KIR3DL3: variants seen among roughly 807,000 people sequenced by gnomAD.
KIR3DL3 encodes killer cell immunoglobulin-like receptor 3DL3.
A neutral mutation model predicts 34.9 loss-of-function variants in KIR3DL3; 27 were observed. The ratio of observed to expected loss-of-function variants is 0.77; its 90% CI spans 0.57 to 1.07. The LOEUF (loss-of-function observed/expected upper bound fraction) is 1.07, where lower values mean the gene tolerates loss of function less well. Among genes scored for constraint, KIR3DL3 ranks in the 50% least tolerant of loss-of-function variants. The pLI is 0.00. For missense variants in KIR3DL3, 681 were observed against 528.5 expected, an observed-to-expected ratio of 1.29 and a Z score of -2.83; for synonymous variants, 217 against 200.2, an observed-to-expected ratio of 1.08 and a Z score of -0.71.
intron 5 of KIR3DL3, among the ~76,000 whole-genome samples, chr19:54,734,484 A>G (rs2069211091): frequency 1.3e-5 from 2 of 151,586 alleles, no homozygotes; most frequent in African/African-American, 4.9e-5. Flanking sequence ...GGGGAAATCA[A>G]AAAGCAGCCC....
Position 54,735,868 on chromosome 19 carries a change from G to A in KIR3DL3, c.1103G>A (p.Arg368Lys), listed in dbSNP as rs756478047. 6 of 1,607,084 alleles carry A rather than the reference G, an allele frequency of 3.7e-6. No individual in the cohort carries two copies. Among genetic ancestry groups the A allele is most frequent in the Non-Finnish European group, 4.2e-6 (5 of 1,178,014 alleles). ...CCTGCAGGGAACAGAACAGTGAACA[G>A]GGAGGTAGGTGCTCCTCCGCCCAGC... The part of the protein sequence containing the change: ...QEPAGNRTVN[R>K]EDSDEQDPQE... Residue 368 changes from arginine (R) to lysine (K), a missense_variant, in exon 7 of 8, where the codon AGG becomes AAG. Arg to Lys is a conservative substitution (Grantham distance 26, BLOSUM62 2). Coordinates refer to ENST00000291860, the MANE Select transcript of KIR3DL3 (RefSeq NM_153443.5).
chr19:54,734,657 A>C (rs897892937), intron 5 of KIR3DL3, among the ~76,000 whole-genome samples: 1 of 147,430 alleles, frequency 6.8e-6, no homozygotes, highest in Non-Finnish European at 1.5e-5. Flanking sequence ...CTAAAGGAAC[A>C]CTTGAGCCTG....
intron 5 of KIR3DL3, among the ~76,000 whole-genome samples, chr19:54,733,579 G>A (rs996569308): frequency 9.2e-5 from 14 of 151,996 alleles, no homozygotes; most frequent in Non-Finnish European, 1.8e-4. Flanking sequence ...AAAGGCAACT[G>A]GATACCAACC....
At position 54,726,206 on chromosome 19, in the gene KIR3DL3, T is replaced by C. The variant is rs2068153900; in HGVS notation, c.224T>C (p.Ile75Thr). 2.5e-6 allele frequency: 4 copies of C among 1,613,654 alleles called. No homozygotes were observed. The highest frequency in any genetic ancestry group is 2.2e-5 in the East Asian group (1 of 44,854). The change falls in exon 3 of 8, where the codon ATA becomes ACA. Residue 75 changes from isoleucine to threonine, a missense_variant. Physicochemically the swap from Ile to Thr is moderately conservative, Grantham distance 89. Coordinates refer to ENST00000291860, the MANE Select transcript of KIR3DL3 (RefSeq NM_153443.5). The stretch of plus-strand genomic sequence containing the variant: ...CCTGTCCCTGAGCTCTACAACAGAA[T>C]ATTCCGGAACAGCTTTCTCATGGGC... ...GMPVPELYNR[I>T]FRNSFLMGPV...
intron 7 of KIR3DL3, 27 bp downstream of exon 7, chr19:54,735,899 G>A (rs2069516199): frequency 1.2e-6 from 2 of 1,605,778 alleles, no homozygotes; most frequent in African/African-American, 1.4e-5. Context: ...CCAGCCTCGT[G>A]GCTAGTCTTA....
intron 5 of KIR3DL3, among the ~76,000 whole-genome samples, 164 bp from the exon 6 acceptor site, chr19:54,735,089 G>A (rs2069327737): frequency 6.8e-6 from 1 of 147,176 alleles, no homozygotes; most frequent in South Asian, 2.2e-4. Context: ...ACGTTCTATG[G>A]TTACTACAAC....
chr19:54,730,117 T>C (rs2068644966), intron 5 of KIR3DL3, among the ~76,000 whole-genome samples: 1 of 152,212 alleles, frequency 6.6e-6, no homozygotes, highest in African/African-American at 2.4e-5. Flanking sequence ...AAGCCCATCC[T>C]GGCCTGTCAC....
chr19:54,732,979 G>A (rs1419289789), intron 5 of KIR3DL3, among the ~76,000 whole-genome samples: 1 of 152,192 alleles, frequency 6.6e-6, no homozygotes, highest in African/African-American at 2.4e-5. Flanking sequence ...CTAGGAGACC[G>A]TGGAAAAGGC....
intron 3 of KIR3DL3, among the ~76,000 whole-genome samples, chr19:54,727,349 T>G (rs1600174008): frequency 1.6e-5 from 2 of 127,890 alleles, no homozygotes; most frequent in Non-Finnish European, 3.3e-5. Flanking sequence ...AAGAGATTAG[T>G]GGGAAACAGA....
chr19:54,730,591 T>C (rs1483812654), intron 5 of KIR3DL3, among the ~76,000 whole-genome samples: 2 of 151,768 alleles, frequency 1.3e-5, no homozygotes, highest in African/African-American at 4.8e-5. Flanking sequence ...ATTAATTAAT[T>C]AATTAGTATT....
In KIR3DL3 at chr19:54,732,414, C is replaced by A. The variant is rs2068914157; in HGVS notation, c.949+2628C>A. On this transcript the variant is annotated intron_variant, in intron 5 of 7. Transcript: ENST00000291860. Reference sequence around the variant, plus strand: ...TACAGCTGTGCGCCACCACACTCGGCTAATTTTTTTGGTATATTTTTTTAG... The same window carrying A: ...TACAGCTGTGCGCCACCACACTCGGATAATTTTTTTGGTATATTTTTTTAG... 3.4e-5 allele frequency among the ~76,000 whole-genome samples: 3 copies of A among 87,106 alleles called. No homozygotes were observed. In the South Asian group the frequency reaches 1.2e-3, roughly 35 times the overall value. 57.1% of individuals were successfully genotyped at this position (87,106 alleles called of 152,430 possible). A position where few individuals can be genotyped will look rare whatever the true frequency, so the allele number is the denominator to read the frequency against.
Position 54,736,089 on chromosome 19 carries a change from G to T in KIR3DL3, c.1226G>T (p.Ser409Ile). 3.7e-6 allele frequency: 6 copies of T among 1,613,146 alleles called. No individual in the cohort carries two copies. In the South Asian group the frequency reaches 6.6e-5, roughly 18 times the overall value. ...QRPKTPPTDT[S>I]V ...CCCAAGACACCCCCAACAGATACCA[G>T]CGTGTAACACGGAACTTCCAAATGC... The change falls in exon 8 of 8, where the codon AGC becomes ATC. Residue 409 changes from serine (S) to isoleucine (I), a missense_variant. By Grantham distance (142) the Ser-to-Ile change is moderately radical. Transcript: ENST00000291860.
At chr19:54,724,587 A>G (rs1017667068) in intron 1 of KIR3DL3, 57 bp downstream of exon 1, 1 of 829,486 alleles carries the variant, frequency 1.2e-6, no homozygotes, top group East Asian at 3.5e-5. Context: ...CTGGGCCTGG[A>G]GTGGAGATCT....
In KIR3DL3 at chr19:54,725,269, C is replaced by G; in HGVS notation, c.57C>G (p.Pro19=). 1 of 1,593,120 alleles carries G rather than the reference C, an allele frequency of 6.3e-7. No homozygotes were observed. Among genetic ancestry groups the G allele is most frequent in the Non-Finnish European group, 8.6e-7 (1 of 1,168,464 alleles). Residue 19 remains proline (P), a synonymous_variant, in exon 2 of 8, where the codon CCC becomes CCG. Coordinates refer to ENST00000291860, the MANE Select transcript of KIR3DL3 (RefSeq NM_153443.5). ...CAGGGTTCTTCTTGCTGGAGGGGCCCTGGCCACATGTGGGTGAGTCCTTCC... is the reference window on the plus strand; with the variant it reads ...CAGGGTTCTTCTTGCTGGAGGGGCCGTGGCCACATGTGGGTGAGTCCTTCC... The part of the protein sequence containing the change: ...ACVGFFLLEG[P]WPHVGGQDKP...
intron 5 of KIR3DL3, among the ~76,000 whole-genome samples, chr19:54,732,253 G>T (rs373021156): frequency 1.1e-4 from 10 of 90,938 alleles, no homozygotes; most frequent in African/African-American, 3.3e-4. Context: ...TGTGTTTTTT[G>T]TTTTCTTTTT....
intron 6 of KIR3DL3, 40 bp from the exon 7 acceptor site, chr19:54,735,780 G>C (rs1249233130): frequency 3.1e-6 from 5 of 1,606,038 alleles, no homozygotes; most frequent in Non-Finnish European, 4.2e-6. Flanking sequence ...GGACCCAGAA[G>C]TGCCCTCCGA....
chr19:54,728,238 T>C (rs2068419823), intron 4 of KIR3DL3, among the ~76,000 whole-genome samples: 1 of 149,504 alleles, frequency 6.7e-6, no homozygotes, highest in Admixed American at 6.7e-5. Context: ...GGTTAGAAGG[T>C]TCCATTCTGT....
At chr19:54,732,140 T>C (rs1432699066) in intron 5 of KIR3DL3, among the ~76,000 whole-genome samples, 1 of 152,110 alleles carries the variant, frequency 6.6e-6, no homozygotes, top group Admixed American at 6.5e-5. Context: ...ATATTGCAGA[T>C]GGGTAAATGC....
At chr19:54,731,189 A>G (rs2068753778) in intron 5 of KIR3DL3, among the ~76,000 whole-genome samples, 1 of 151,994 alleles carries the variant, frequency 6.6e-6, no homozygotes, top group Non-Finnish European at 1.5e-5. Context: ...TATTTTTAGT[A>G]GAGACAGAGT....
Sources: gnomAD v4.1 joint callset for allele counts (sites outside exome capture counted in the v4.1 genomes callset) on GRCh38, gnomAD v4.1.1 for gene constraint, MANE v1.5 for transcripts, NCBI Gene and HGNC (gene_info 2026-07-23, HGNC 2026-07-21) for gene names.